Variants in SEPTIN7 observed in about 807,000 individuals in gnomAD.
SEPTIN7 encodes the protein septin-7.
A neutral mutation model predicts 63.3 loss-of-function variants in SEPTIN7; 10 were observed. The ratio of observed to expected loss-of-function variants is 0.16; its 90% CI spans 0.10 to 0.27. The LOEUF (loss-of-function observed/expected upper bound fraction) is 0.27, where lower values mean the gene tolerates loss of function less well. SEPTIN7 is among the 10% of genes least tolerant of loss of function. The pLI is 1.00. For synonymous variants in SEPTIN7, 131 were observed against 165.3 expected, an observed-to-expected ratio of 0.79 and a Z score of 1.59; for missense variants, 310 against 521.0, an observed-to-expected ratio of 0.59 and a Z score of 3.94.
At chr7:35,864,480 A>G (rs1026203142) in intron 4 of SEPTIN7, among the ~76,000 whole-genome samples, 2 of 152,128 alleles carry the variant, frequency 1.3e-5, no homozygotes, top group Non-Finnish European at 2.9e-5. Context: ...TAATCTTTGA[A>G]ATGTAGGTGG....
chr7:35,835,659 G>A (rs1271526112), intron 3 of SEPTIN7, among the ~76,000 whole-genome samples: 1 of 152,178 alleles, frequency 6.6e-6, no homozygotes, highest in Non-Finnish European at 1.5e-5. Flanking sequence ...CAGTGAAAGA[G>A]AGAATGAATG....
chr7:35,809,002 G>A (rs1489732789), intron 1 of SEPTIN7, among the ~76,000 whole-genome samples: 1 of 152,150 alleles, frequency 6.6e-6, no homozygotes, highest in East Asian at 1.9e-4. Context: ...AAAAGTTGTA[G>A]TATTGACATT....
At chr7:35,873,291 C>G (rs1234050189) in intron 5 of SEPTIN7, among the ~76,000 whole-genome samples, 1 of 151,828 alleles carries the variant, frequency 6.6e-6, no homozygotes, top group African/African-American at 2.4e-5. Flanking sequence ...CCAAGTTCAC[C>G]ATGAAGTTTT....
intron 3 of SEPTIN7, among the ~76,000 whole-genome samples, chr7:35,854,437 T>A (rs1785101244): frequency 6.6e-6 from 1 of 152,202 alleles, no homozygotes; most frequent in South Asian, 2.1e-4. Context: ...GGAGGAGGGA[T>A]GCTAACTGGC....
chr7:35,862,139 A>AT (rs1450675336), intron 3 of SEPTIN7, among the ~76,000 whole-genome samples: 1 of 152,184 alleles, frequency 6.6e-6, no homozygotes. Context: ...ACCCAGAAGT[A>AT]TAACAAACTA....
intron 1 of SEPTIN7, chr7:35,815,288 T>C (rs1294432750): frequency 3.4e-6 from 1 of 290,744 alleles, no homozygotes; most frequent in African/African-American, 2.3e-5. Context: ...TCATTGCTGC[T>C]GGGGTGTCAC....
intron 1 of SEPTIN7, among the ~76,000 whole-genome samples, chr7:35,804,929 C>G (rs1194087462): frequency 6.6e-6 from 1 of 151,070 alleles, no homozygotes; most frequent in African/African-American, 2.4e-5. Flanking sequence ...CTCTGTCTGC[C>G]TCCTGGGTTC....
chr7:35,864,605 T>C (rs1435055452), intron 4 of SEPTIN7, among the ~76,000 whole-genome samples: 1 of 152,238 alleles, frequency 6.6e-6, no homozygotes, highest in East Asian at 1.9e-4. Context: ...TGATAATATT[T>C]TGGATGTATC....
chr7:35,910,100 G>A (rs1562599394), downstream of SEPTIN7, among the ~76,000 whole-genome samples: 1 of 152,198 alleles, frequency 6.6e-6, no homozygotes, highest in Non-Finnish European at 1.5e-5. Flanking sequence ...TTGTGACATG[G>A]TGGCTGGCTT....
intron 8 of SEPTIN7, among the ~76,000 whole-genome samples, chr7:35,883,029 T>A (rs1382777617): frequency 2.0e-5 from 3 of 152,076 alleles, no homozygotes. Flanking sequence ...TAGTCTATAT[T>A]TTCAGATAGC....
At chr7:35,888,873 T>C (rs1187752327) in intron 10 of SEPTIN7, 3 of 347,164 alleles carry the variant, frequency 8.6e-6, no homozygotes, top group Non-Finnish European at 1.7e-5. Context: ...ATAAACATTG[T>C]TTTATATTGG....
chr7:35,900,923 C>T (rs1204518520), intron 12 of SEPTIN7: 1 of 152,142 alleles, frequency 6.6e-6, no homozygotes, highest in African/African-American at 2.4e-5. Flanking sequence ...GATTCTTTGT[C>T]TTTTATGAAA....
chr7:35,815,133 C>T (rs1245260509), intron 1 of SEPTIN7: 1 of 446,510 alleles, frequency 2.2e-6, no homozygotes, highest in Non-Finnish European at 4.5e-6. Flanking sequence ...ACTGTGTACC[C>T]ATCATTTTTA....
At chr7:35,842,858 C>G (rs1784477047) in intron 3 of SEPTIN7, among the ~76,000 whole-genome samples, 2 of 152,048 alleles carry the variant, frequency 1.3e-5, no homozygotes. Context: ...GGATATTCTG[C>G]TATATAGCCA....
chr7:35,832,951 T>C, intron 3 of SEPTIN7, 51 bp downstream of exon 3: 1 of 976,884 alleles, frequency 1.0e-6, no homozygotes. Context: ...GTTTTAAACG[T>C]TAGTCAACTC....
chr7:35,835,488 G>T (rs1347844003), intron 3 of SEPTIN7, among the ~76,000 whole-genome samples: 1 of 152,122 alleles, frequency 6.6e-6, no homozygotes, highest in Non-Finnish European at 1.5e-5. Flanking sequence ...TAGGTTACTT[G>T]CCCATGGTTA....
intron 1 of SEPTIN7, among the ~76,000 whole-genome samples, chr7:35,823,448 G>A (rs148211441): frequency 2.9e-4 from 44 of 152,216 alleles, no homozygotes; most frequent in African/African-American, 7.7e-4. Flanking sequence ...TGATCTGCCC[G>A]CCTCAGCCTC....
intron 3 of SEPTIN7, among the ~76,000 whole-genome samples, chr7:35,838,943 C>T (rs1341211253): frequency 6.6e-6 from 1 of 152,068 alleles, no homozygotes. Flanking sequence ...TGTTTTCTTT[C>T]TTACCCTTTG....
chr7:35,885,349 G>A (rs1035998226), intron 9 of SEPTIN7, among the ~76,000 whole-genome samples: 3 of 152,006 alleles, frequency 2.0e-5, no homozygotes, highest in East Asian at 3.9e-4. Context: ...TCTCTCTTTT[G>A]TAGTTTACCC....
Sources: gnomAD v4.1 joint callset for allele counts (sites outside exome capture counted in the v4.1 genomes callset) on GRCh38, gnomAD v4.1.1 for gene constraint, MANE v1.5 for transcripts, NCBI Gene and HGNC (gene_info 2026-07-23, HGNC 2026-07-21) for gene names.